The following ZIK1 variants were observed in gnomAD, a reference collection of about 807,000 sequenced individuals.
ZIK1 encodes zinc finger protein interacting with ribonucleoprotein K.
Under a neutral mutation model 10.7 loss-of-function variants are expected in ZIK1, and 12 were observed. That is an observed-to-expected ratio of 1.12 (90% confidence interval 0.72 to 1.81). The LOEUF is 1.81. Ranked by LOEUF, ZIK1 falls within the 40% of genes most tolerant of loss-of-function variation. The pLI is 0.00. For synonymous variants in ZIK1, 190 were observed against 205.0 expected (o/e 0.93, Z 0.63); for missense variants, 497 against 585.7 (o/e 0.85, Z 1.56).
chr19:57,589,303 G>T, intron 3 of ZIK1: 19 of 985,342 alleles, frequency 1.9e-5, no homozygotes, highest in Middle Eastern at 5.2e-4. Flanking sequence ...CTGGTTGGGG[G>T]CATGATATCC....
rs1263484254 is a variant in ZIK1 at position 57,593,623 on chromosome 19, T to A, written c.*2348T>A. 2.0e-5 allele frequency: 3 copies of A among 152,122 alleles called. No homozygotes were observed. The East Asian group carries it at 5.8e-4, about 29-fold the overall frequency. The allele number at this position is 152,122 out of a possible 1,614,324, so 9.4% of individuals were successfully genotyped here. The stretch of plus-strand genomic sequence containing the variant: ...GTACCATTTGCATTCTCATCAACAG[T>A]ATGTGAACCTTCTTATTTCTCTACA... On this transcript the variant is annotated 3_prime_UTR_variant, in exon 4 of 4. Transcript: ENST00000597850.
chr19:57,584,259 G>A lies in ZIK1; in HGVS notation c.-98G>A. 6 of 1,502,340 alleles carry A rather than the reference G, an allele frequency of 4.0e-6. No homozygotes were observed. The highest frequency in any genetic ancestry group is 2.5e-5 in the East Asian group (1 of 39,666). 93.1% of individuals were successfully genotyped at this position (1,502,340 alleles called of 1,614,324 possible). On this transcript the variant is annotated 5_prime_UTR_variant, in exon 1 of 4. Coordinates refer to ENST00000597850, the MANE Select transcript of ZIK1 (RefSeq NM_001010879.4). The stretch of plus-strand genomic sequence containing the variant: ...GGAGGGGTCCTCCCGCTGAACAGTG[G>A]GGGTTCTAAGGGTCGGCGGCGGCGG...
In ZIK1 at chr19:57,593,585, C is replaced by T. The variant is rs1979888673; in HGVS notation, c.*2310C>T. 1 of 152,110 alleles carries T rather than the reference C, an allele frequency of 6.6e-6. No individual in the cohort carries two copies. Among genetic ancestry groups the T allele is most frequent in the Non-Finnish European group, 1.5e-5 (1 of 68,036 alleles). The allele number at this position is 152,110 out of a possible 1,614,324, so 9.4% of individuals were successfully genotyped here. A position where few individuals can be genotyped will look rare whatever the true frequency, so the allele number is the denominator to read the frequency against. On this transcript the variant is annotated 3_prime_UTR_variant, in exon 4 of 4. Transcript: ENST00000597850. ...CGTCACTTTTAAAGACAAGGCCAGA[C>T]TATAACCTAACTGTACCATTTGCAT...
chr19:57,587,409 A>G (rs1333478047), intron 2 of ZIK1, among the ~76,000 whole-genome samples: 2 of 152,142 alleles, frequency 1.3e-5, no homozygotes, highest in South Asian at 2.1e-4. Flanking sequence ...GTGTGATGGT[A>G]TTTGGAGGTT....
rs934405231 is a variant in ZIK1 at position 57,584,145 on chromosome 19, A to C, written c.-212A>C. On this transcript the variant is annotated 5_prime_UTR_variant, in exon 1 of 4. Coordinates refer to ENST00000597850, the MANE Select transcript of ZIK1 (RefSeq NM_001010879.4). ...GGGGAGGGACTTCCGGTATCACTTC[A>C]GTGGCGGTCATTTTTGCAGCGCTTG... 9 of 894,546 alleles carry C rather than the reference A, an allele frequency of 1.0e-5. No homozygotes were observed. The Admixed American group carries it at 1.5e-4, about 15-fold the overall frequency. The allele number at this position is 894,546 out of a possible 1,614,324, so 55.4% of individuals were successfully genotyped here. A position where few individuals can be genotyped will look rare whatever the true frequency, so the allele number is the denominator to read the frequency against.
At chr19:57,585,054 C>A in intron 2 of ZIK1, 64 bp downstream of exon 2, 1 of 1,520,172 alleles carries the variant, frequency 6.6e-7, no homozygotes. Context: ...TTTCATGGAT[C>A]TTTTTGCCAC....
chr19:57,585,306 A>G (rs1885992323), intron 2 of ZIK1, among the ~76,000 whole-genome samples: 1 of 152,216 alleles, frequency 6.6e-6, no homozygotes, highest in African/African-American at 2.4e-5. Context: ...TCAGGCCTGG[A>G]ATGGCTCTGA....
rs199938314 is a variant in ZIK1, at chr19:57,590,053, A to G, written c.242A>G (p.Gln81Arg). 223 of 1,614,086 alleles carry G rather than the reference A, an allele frequency of 1.4e-4. No individual in the cohort carries two copies. Among genetic ancestry groups the G allele is most frequent in the Non-Finnish European group, 1.6e-4 (186 of 1,180,032 alleles). The change falls in exon 4 of 4, where the codon CAG becomes CGG. Residue 81 changes from glutamine to arginine, a missense_variant. Transcript: ENST00000597850. ...GTEDEETPSD[Q>R]NVSVGVSQSK... ...GAGGATGAAGAGACACCTTCTGACC[A>G]GAATGTTTCTGTAGGAGTGTCACAG...
At chr19:57,585,405 TCA>T (rs1979056897) in intron 2 of ZIK1, among the ~76,000 whole-genome samples, 1 of 152,184 alleles carries the variant, frequency 6.6e-6, no homozygotes, top group Admixed American at 6.5e-5. Context: ...CTCATCAGGT[TCA>T]CTGTTAATGC....
intron 2 of ZIK1, among the ~76,000 whole-genome samples, chr19:57,587,498 C>T (rs1218579372): frequency 6.6e-6 from 1 of 152,050 alleles, no homozygotes; most frequent in Non-Finnish European, 1.5e-5. Context: ...ACAAAGAGGC[C>T]AGAGAGCTAC....
At chr19:57,589,323 T>C in intron 3 of ZIK1, 7 of 985,356 alleles carry the variant, frequency 7.1e-6, no homozygotes, top group Non-Finnish European at 8.4e-6. Context: ...CGGGCTGTTT[T>C]CCGATCACAT....
chr19:57,587,460 A>G (rs1172521203), intron 2 of ZIK1, among the ~76,000 whole-genome samples: 1 of 152,164 alleles, frequency 6.6e-6, no homozygotes, highest in Admixed American at 6.5e-5. Flanking sequence ...GTGGAGCCCT[A>G]ATGAATGGGA....
rs1421029650 is a variant in ZIK1, at chr19:57,588,556, G to C, written c.90G>C (p.Glu30Asp). The C allele has an allele frequency of 1.4e-5, 21 of 1,554,694 alleles. No individual in the cohort carries two copies. Among genetic ancestry groups the C allele is most frequent in the Non-Finnish European group, 1.8e-5 (21 of 1,145,564 alleles). ...CATGACAGGGCTGTGTGACCTTTGA[G>C]GACATCGCCATTTACTTCTCACAGG... ...MDLTKGCVTF[E>D]DIAIYFSQDE... The change falls in exon 3 of 4, where the codon GAG (glutamate) becomes GAC (aspartate). Residue 30 changes from glutamate to aspartate, a missense_variant. Transcript: ENST00000597850.
chr19:57,590,057 T>A lies in ZIK1; in HGVS notation c.246T>A (p.Asn82Lys). 6.2e-7 allele frequency: 1 copy of A among 1,614,206 alleles called. No individual in the cohort carries two copies. Among genetic ancestry groups the A allele is most frequent in the Non-Finnish European group, 8.5e-7 (1 of 1,180,036 alleles). The change falls in exon 4 of 4, where the codon AAT (asparagine) becomes AAA (lysine). Residue 82 changes from asparagine (N) to lysine (K), a missense_variant. Asn to Lys is a moderately conservative substitution (Grantham distance 94). Coordinates refer to ENST00000597850, the MANE Select transcript of ZIK1 (RefSeq NM_001010879.4). ...ATGAAGAGACACCTTCTGACCAGAA[T>A]GTTTCTGTAGGAGTGTCACAGTCAA... ...TEDEETPSDQ[N>K]VSVGVSQSKA...
intron 2 of ZIK1, among the ~76,000 whole-genome samples, chr19:57,586,971 T>C (rs551123915): frequency 3.5e-4 from 54 of 152,280 alleles, no homozygotes; most frequent in African/African-American, 1.3e-3. Context: ...AAAAAGAGGT[T>C]TAATGGACTC....
chr19:57,589,450 C>T (rs952603220), intron 3 of ZIK1: 1 of 985,240 alleles, frequency 1.0e-6, no homozygotes, highest in African/African-American at 1.7e-5. Flanking sequence ...TTATCTATGA[C>T]TTCTAGCACC....
Position 57,584,403 on chromosome 19 carries a change from C to T in ZIK1, c.33+14C>T. On this transcript the variant is annotated intron_variant, in intron 1 of 3. Transcript: ENST00000597850. ...GCCCCGACTCAGGTGAGCGCTGCCTCTACTGGGCCTCACCCTCCATCCCCA... is the reference window on the plus strand; with the variant it reads ...GCCCCGACTCAGGTGAGCGCTGCCTTTACTGGGCCTCACCCTCCATCCCCA... The T allele has an allele frequency of 6.2e-7, 1 of 1,607,428 alleles. No homozygotes were observed. Among genetic ancestry groups the T allele is most frequent in the Non-Finnish European group, 8.5e-7 (1 of 1,177,540 alleles).
At chr19:57,584,555 C>A in intron 1 of ZIK1, 166 bp downstream of exon 1, 1 of 1,412,598 alleles carries the variant, frequency 7.1e-7, no homozygotes, top group African/African-American at 1.5e-5. Context: ...GGCAAAGGGA[C>A]CAGCGTTTCT....
intron 2 of ZIK1, 90 bp downstream of exon 2, chr19:57,585,080 C>A: frequency 8.0e-7 from 1 of 1,252,408 alleles, no homozygotes; most frequent in Non-Finnish European, 1.1e-6. Context: ...AGTTCTTTGA[C>A]CTAAGGACTC....
Sources: allele counts gnomAD v4.1 joint callset (sites outside exome capture counted in the v4.1 genomes callset), GRCh38; gene constraint gnomAD v4.1.1; transcripts MANE v1.5; gene names NCBI Gene and HGNC (gene_info 2026-07-23, HGNC 2026-07-21).